NAA16: variants seen among roughly 807,000 people sequenced by gnomAD.
NAA16 encodes NARG1-like protein.
In NAA16, 97 loss-of-function variants were observed where a neutral mutation model predicts 110.3. The observed-to-expected ratio is 0.88, with a 90% CI of 0.75 to 1.04. The LOEUF is 1.04. Ranked by LOEUF, NAA16 falls within the 50% of genes least tolerant of loss-of-function variation. NAA16 has a pLI of 0.00. For missense variants in NAA16, 1,017 were observed against 1,005.1 expected (o/e 1.01, Z -0.16); for synonymous variants, 372 against 330.6 (o/e 1.13, Z -1.36).
intron 9 of NAA16, among the ~76,000 whole-genome samples, chr13:41,348,687 T>G (rs558113622): frequency 6.6e-5 from 10 of 152,168 alleles, no homozygotes; most frequent in Admixed American, 3.3e-4. Context: ...CCTCTTTTTT[T>G]GGGGGGGCGG....
rs1226538190 is a variant in NAA16, at chr13:41,337,481, T to C, written c.1014+725T>C. On this transcript the variant is annotated intron_variant, in intron 9 of 19. Transcript: ENST00000379406. ...TGGTGTGAACCTGGGAGGCAGAGCT[T>C]GAAGTGAGCCGAGATCGCGCCACTG... Among the ~76,000 whole-genome samples, 10 of 146,772 alleles carry C rather than the reference T, an allele frequency of 6.8e-5. No individual in the cohort carries two copies. In the East Asian group the frequency reaches 2.0e-3, roughly 29 times the overall value.
In NAA16 at chr13:41,325,825, A is replaced by G. The variant is rs1310869356; in HGVS notation, c.665A>G (p.Asp222Gly). The change falls in exon 6 of 20, where the codon GAT (aspartate) becomes GGT (glycine). Residue 222 changes from aspartate to glycine, a missense_variant. Transcript: ENST00000379406. ...GAAATGTATGAGAAACAAATATGTGATAAACTTTTGGTGGAAGAAATTAAA... is the reference window on the plus strand; with the variant it reads ...GAAATGTATGAGAAACAAATATGTGGTAAACTTTTGGTGGAAGAAATTAAA... ...HIEMYEKQIC[D>G]KLLVEEIKGE... 2.2e-5 allele frequency: 35 copies of G among 1,604,974 alleles called. No individual in the cohort carries two copies. The highest frequency in any genetic ancestry group is 3.0e-5 in the Non-Finnish European group (35 of 1,176,550).
At chr13:41,327,948 C>A (rs1473317688) in intron 6 of NAA16, 1 of 151,844 alleles carries the variant, frequency 6.6e-6, no homozygotes, top group African/African-American at 2.4e-5. Context: ...ACTGCCTCCT[C>A]CAACATGATG....
At position 41,311,385 on chromosome 13, in the gene NAA16, C is replaced by T. The variant is rs2041549809; in HGVS notation, c.-144C>T. On this transcript the variant is annotated 5_prime_UTR_variant, in exon 1 of 20. Coordinates refer to ENST00000379406, the MANE Select transcript of NAA16 (RefSeq NM_024561.5). ...ACCCGTGCCGAACAGCCAGGCTGCC[C>T]AATTGCAACTGTAGACCAATGAACT... The T allele has an allele frequency of 1.4e-6, 1 of 731,834 alleles. No individual in the cohort carries two copies. The highest frequency in any genetic ancestry group is 1.8e-5 in the African/African-American group (1 of 54,958). The allele number at this position is 731,834 out of a possible 1,614,324, so 45.3% of individuals were successfully genotyped here. A position where few individuals can be genotyped will look rare whatever the true frequency, so the allele number is the denominator to read the frequency against.
intron 8 of NAA16, among the ~76,000 whole-genome samples, chr13:41,334,812 A>G (rs1009421049): frequency 4.6e-5 from 7 of 152,174 alleles, no homozygotes; most frequent in African/African-American, 1.4e-4. Flanking sequence ...TACTTTCCTG[A>G]AGACATCCAT....
intron 15 of NAA16, among the ~76,000 whole-genome samples, chr13:41,370,529 G>A (rs1593532064): frequency 6.6e-6 from 1 of 152,294 alleles, no homozygotes; most frequent in South Asian, 2.1e-4. Context: ...GCCTTGAAGG[G>A]AAAAAATAAC....
intron 15 of NAA16, among the ~76,000 whole-genome samples, chr13:41,371,042 T>C (rs1376053689): frequency 6.6e-6 from 1 of 151,986 alleles, no homozygotes; most frequent in African/African-American, 2.4e-5. Flanking sequence ...ATAAAAGAGA[T>C]TGTGGATATG....
At chr13:41,320,378 T>A (rs1057048203) in intron 3 of NAA16, among the ~76,000 whole-genome samples, 10 of 152,242 alleles carry the variant, frequency 6.6e-5, no homozygotes, top group Middle Eastern at 3.4e-3. Context: ...TTCTTTAAGG[T>A]TACTTAAAAT....
At chr13:41,374,697 T>C (rs2043393697) in intron 18 of NAA16, 45 bp from the exon 19 acceptor site, 1 of 1,241,242 alleles carries the variant, frequency 8.1e-7, no homozygotes, top group African/African-American at 1.5e-5. Flanking sequence ...ACATAAAATG[T>C]AAAGTATAGG....
chr13:41,317,422 C>G (rs1170310313), intron 2 of NAA16, among the ~76,000 whole-genome samples: 1 of 152,004 alleles, frequency 6.6e-6, no homozygotes, highest in Non-Finnish European at 1.5e-5. Flanking sequence ...TTTTCTAACA[C>G]TGGTGTTAAT....
At chr13:41,319,540 G>A (rs2041893906) in intron 3 of NAA16, among the ~76,000 whole-genome samples, 1 of 151,584 alleles carries the variant, frequency 6.6e-6, no homozygotes, top group South Asian at 2.1e-4. Context: ...TTGGGGGGAG[G>A]GAGTCTCACT....
At chr13:41,326,824 A>G (rs2042104670) in intron 6 of NAA16, among the ~76,000 whole-genome samples, 1 of 152,164 alleles carries the variant, frequency 6.6e-6, no homozygotes, top group Admixed American at 6.5e-5. Flanking sequence ...TCCCACTGTC[A>G]TGCTCTATGG....
intron 9 of NAA16, among the ~76,000 whole-genome samples, chr13:41,353,951 CAAAG>C (rs1038877555): frequency 3.3e-5 from 5 of 152,146 alleles, no homozygotes; most frequent in East Asian, 3.8e-4. Flanking sequence ...AAAGAAAACA[CAAAG>C]AATGTACCCA....
intron 6 of NAA16, chr13:41,327,851 A>T (rs1216424072): frequency 6.6e-6 from 1 of 151,866 alleles, no homozygotes; most frequent in Non-Finnish European, 1.5e-5. Context: ...GTTGGTAATT[A>T]TTCCTAGTTC....
At chr13:41,372,149 A>G in intron 15 of NAA16, 54 bp from the exon 16 acceptor site, 1 of 1,355,834 alleles carries the variant, frequency 7.4e-7, no homozygotes, top group Non-Finnish European at 1.0e-6. Flanking sequence ...TTTTAGGGGA[A>G]ATTTGACTTG....
intron 9 of NAA16, 55 bp from the exon 10 acceptor site, chr13:41,355,089 T>TA (rs1226341172): frequency 2.0e-5 from 22 of 1,123,842 alleles, no homozygotes; most frequent in African/African-American, 1.3e-4. Context: ...CCATAATAGG[T>TA]AAAAATACCT....
intron 13 of NAA16, among the ~76,000 whole-genome samples, chr13:41,366,462 C>T (rs994825502): frequency 2.0e-5 from 3 of 151,942 alleles, no homozygotes; most frequent in Admixed American, 6.6e-5. Flanking sequence ...GAAAAACTAA[C>T]GTATGAAAAA....
At chr13:41,326,665 T>C (rs549556322) in intron 6 of NAA16, among the ~76,000 whole-genome samples, 62 of 152,292 alleles carry the variant, frequency 4.1e-4, no homozygotes, top group African/African-American at 1.3e-3. Context: ...GGTAGAGTTA[T>C]AGTTTCCAAG....
At chr13:41,359,476 A>G (rs1017307138) in intron 12 of NAA16, among the ~76,000 whole-genome samples, 1 of 152,218 alleles carries the variant, frequency 6.6e-6, no homozygotes, top group Non-Finnish European at 1.5e-5. Context: ...ACTTTCTGTT[A>G]TAATACATGT....
Sources: allele counts gnomAD v4.1 joint callset (sites outside exome capture counted in the v4.1 genomes callset), GRCh38; gene constraint gnomAD v4.1.1; transcripts MANE v1.5; gene names NCBI Gene and HGNC (gene_info 2026-07-23, HGNC 2026-07-21).